The following DTD1 variants were observed in gnomAD, a reference collection of about 807,000 sequenced individuals.
The protein encoded by DTD1 is D-tyrosyl-tRNA deacylase 1 homolog.
A neutral mutation model predicts 25.6 loss-of-function variants in DTD1; 13 were observed. That is an observed-to-expected ratio of 0.51 (90% CI 0.33 to 0.81). The LOEUF is 0.81. Ranked by LOEUF, DTD1 falls within the 30% of genes least tolerant of loss-of-function variation. The probability of loss-of-function intolerance (pLI) is 0.02; values close to 1 mark genes in which losing one functional copy is unlikely to be tolerated. For synonymous variants in DTD1, 110 were observed against 103.6 expected, an observed-to-expected ratio of 1.06 and a Z score of -0.37; for missense variants, 193 against 266.4, an observed-to-expected ratio of 0.72 and a Z score of 1.92.
At chr20:18,709,050 C>T (rs2061147736) in intron 4 of DTD1, among the ~76,000 whole-genome samples, 1 of 152,204 alleles carries the variant, frequency 6.6e-6, no homozygotes, top group Non-Finnish European at 1.5e-5. Flanking sequence ...TCTAGGACAA[C>T]AGTGCTTGCT....
At chr20:18,726,386 C>T (rs1317576854) in intron 4 of DTD1, among the ~76,000 whole-genome samples, 4 of 152,172 alleles carry the variant, frequency 2.6e-5, no homozygotes, top group African/African-American at 7.2e-5. Flanking sequence ...CCTTAATTCT[C>T]ATCATGAAAA....
At chr20:18,747,162 A>G (rs1227251137) in intron 5 of DTD1, among the ~76,000 whole-genome samples, 1 of 152,248 alleles carries the variant, frequency 6.6e-6, no homozygotes, top group Non-Finnish European at 1.5e-5. Flanking sequence ...CAGGGCACAG[A>G]GTGGCCCTTT....
At chr20:18,631,480 T>A in intron 4 of DTD1, 1 of 985,512 alleles carries the variant, frequency 1.0e-6, no homozygotes, top group Non-Finnish European at 1.2e-6. Context: ...TCATCCATCT[T>A]ATCCCATTGG....
chr20:18,618,779 C>A (rs150995354), intron 3 of DTD1, among the ~76,000 whole-genome samples: 26 of 149,896 alleles, frequency 1.7e-4, no homozygotes, highest in African/African-American at 6.2e-4. Flanking sequence ...ATGGCGTCAT[C>A]TTGGCTCACT....
chr20:18,705,969 C>A (rs1216115834), intron 4 of DTD1, among the ~76,000 whole-genome samples: 2 of 152,310 alleles, frequency 1.3e-5, no homozygotes, highest in East Asian at 1.9e-4. Context: ...AAGCCTTTAG[C>A]TAGAACTCCA....
At chr20:18,678,575 A>C (rs991813552) in intron 4 of DTD1, among the ~76,000 whole-genome samples, 4 of 152,258 alleles carry the variant, frequency 2.6e-5, no homozygotes, top group African/African-American at 9.6e-5. Context: ...AAAAGATCTG[A>C]AAACATATCA....
At chr20:18,734,230 G>C (rs550375476) in intron 4 of DTD1, among the ~76,000 whole-genome samples, 1 of 152,048 alleles carries the variant, frequency 6.6e-6, no homozygotes, top group Non-Finnish European at 1.5e-5. Flanking sequence ...TTCTTTCCCC[G>C]TCCTACCCTC....
At chr20:18,629,591 C>T (rs1411950063) in intron 4 of DTD1, among the ~76,000 whole-genome samples, 2 of 152,000 alleles carry the variant, frequency 1.3e-5, no homozygotes, top group Non-Finnish European at 2.9e-5. Flanking sequence ...GCAAGAGTCA[C>T]CATGCCTGGC....
rs1239385211 is a variant in DTD1 at position 18,661,523 on chromosome 20, C to T, written c.477+33290C>T. ...AGTAGCTGGGACTACAGGTGCCCGC[C>T]AGCACGCCTGGCTAATTTTTTGTAT... On this transcript the variant is annotated intron_variant, in intron 4 of 5. Coordinates refer to ENST00000377452, the MANE Select transcript of DTD1 (RefSeq NM_080820.6). 2.0e-5 allele frequency among the ~76,000 whole-genome samples: 3 copies of T among 152,116 alleles called. No homozygotes were observed. In the East Asian group the frequency reaches 5.8e-4, roughly 29 times the overall value.
At position 18,588,080 on chromosome 20, in the gene DTD1, C is replaced by T. The variant is rs889956974; in HGVS notation, c.8C>T (p.Ala3Val). The change falls in exon 1 of 6, where the codon GCC (alanine) becomes GTC (valine). Residue 3 changes from alanine (A) to valine (V), a missense_variant. Ala to Val is a moderately conservative substitution (Grantham distance 64). Transcript: ENST00000377452. ...CTCGCCCCAGCCGCCGCCATGAAGG[C>T]CGTGGTGCAGCGCGTCACCCGGGCC... MK[A>V]VVQRVTRASV... 2 of 1,375,452 alleles carry T rather than the reference C, an allele frequency of 1.5e-6. No individual in the cohort carries two copies. The highest frequency in any genetic ancestry group is 3.6e-5 in the Admixed American group (1 of 27,756). 85.2% of individuals were successfully genotyped at this position (1,375,452 alleles called of 1,614,324 possible).
Position 18,759,258 on chromosome 20 carries a change from T to C in DTD1, c.*20-4102T>C, listed in dbSNP as rs2061351594. Among the ~76,000 whole-genome samples, 3 of 152,308 alleles carry C rather than the reference T, an allele frequency of 2.0e-5. No individual in the cohort carries two copies. In the South Asian group the frequency reaches 6.2e-4, roughly 32 times the overall value. On this transcript the variant is annotated intron_variant, in intron 5 of 5. Transcript: ENST00000377452. ...CACATTTAACGTTAATATTGTTATG[T>C]GTGAATTTGATCCTGTCATTATGAT...
intron 4 of DTD1, among the ~76,000 whole-genome samples, chr20:18,648,437 A>G (rs1289919873): frequency 1.3e-5 from 2 of 152,204 alleles, no homozygotes; most frequent in Non-Finnish European, 1.5e-5. Flanking sequence ...AGGGACCAGG[A>G]TGACAAGAGA....
At chr20:18,676,774 C>A (rs574738380) in intron 4 of DTD1, among the ~76,000 whole-genome samples, 2 of 152,266 alleles carry the variant, frequency 1.3e-5, no homozygotes, top group Non-Finnish European at 1.5e-5. Flanking sequence ...TCAGCTCTGC[C>A]GCTGGTTAAC....
intron 4 of DTD1, 63 bp from the exon 5 acceptor site, chr20:18,744,037 T>A: frequency 6.6e-7 from 1 of 1,509,388 alleles, no homozygotes; most frequent in Non-Finnish European, 8.9e-7. Context: ...GTCACTGGTG[T>A]GTGGGATACA....
At chr20:18,676,223 CTCA>C (rs2060973854) in intron 4 of DTD1, among the ~76,000 whole-genome samples, 1 of 152,124 alleles carries the variant, frequency 6.6e-6, no homozygotes, top group South Asian at 2.1e-4. Context: ...TTCGAAACTG[CTCA>C]TCAAGAGCTC....
chr20:18,715,855 G>T (rs1298434708), intron 4 of DTD1, among the ~76,000 whole-genome samples: 1 of 152,250 alleles, frequency 6.6e-6, no homozygotes, highest in East Asian at 1.9e-4. Flanking sequence ...GCTTTATCTC[G>T]GGAGGAGTCG....
At chr20:18,708,229 ATTT>A (rs56164923) in intron 4 of DTD1, among the ~76,000 whole-genome samples, 3 of 4,998 alleles carry the variant, frequency 6.0e-4, no homozygotes, top group Non-Finnish European at 1.2e-3. Flanking sequence ...ATATATATAT[ATTT>A]TATATATATA....
At chr20:18,751,137 C>T (rs1285320707) in intron 5 of DTD1, among the ~76,000 whole-genome samples, 8 of 151,946 alleles carry the variant, frequency 5.3e-5, no homozygotes, top group Admixed American at 2.6e-4. Flanking sequence ...CTGTTCTTTT[C>T]GCCATACAAG....
intron 1 of DTD1, chr20:18,588,710 C>CTT (rs1312262627): frequency 1.0e-6 from 1 of 985,242 alleles, no homozygotes; most frequent in African/African-American, 1.7e-5. Flanking sequence ...CCCTCGCCCG[C>CTT]TGAACTCTGC....
Sources: allele counts gnomAD v4.1 joint callset (sites outside exome capture counted in the v4.1 genomes callset), GRCh38; gene constraint gnomAD v4.1.1; transcripts MANE v1.5; gene names NCBI Gene and HGNC (gene_info 2026-07-23, HGNC 2026-07-21).